Variants in HPS5 observed in about 807,000 individuals in gnomAD.
HPS5 encodes the protein BLOC-2 complex member HPS5.
In HPS5, 83 loss-of-function variants were observed where a neutral mutation model predicts 128.0. The observed-to-expected ratio is 0.65, with a 90% CI of 0.54 to 0.78. The LOEUF (loss-of-function observed/expected upper bound fraction) is 0.78. Ranked by LOEUF, HPS5 falls within the 30% of genes least tolerant of loss-of-function variation. The probability of loss-of-function intolerance (pLI) is 0.00; values close to 1 mark genes in which losing one functional copy is unlikely to be tolerated. For missense variants in HPS5, 1,281 were observed against 1,326.2 expected (o/e 0.97, Z 0.53); for synonymous variants, 475 against 470.2 (o/e 1.01, Z -0.13).
At chr11:18,291,389 C>CCCAAAAAA (rs1860384488) in intron 16 of HPS5, 53 bp downstream of exon 16, 23 of 1,173,004 alleles carry the variant, frequency 2.0e-5, no homozygotes, top group African/African-American at 3.0e-5. Context: ...TTCAAAACTG[C>CCCAAAAAA]TAATGTTTTT....
At chr11:18,317,636 A>G in intron 2 of HPS5, 115 bp downstream of exon 2, 1 of 965,804 alleles carries the variant, frequency 1.0e-6, no homozygotes, top group South Asian at 1.4e-5. Context: ...CAAAAGTATG[A>G]CTAGGACAGG....
intron 7 of HPS5, 30 bp from the exon 8 acceptor site, chr11:18,305,523 T>C (rs1862245240): frequency 1.3e-6 from 2 of 1,497,060 alleles, no homozygotes; most frequent in Non-Finnish European, 1.9e-6. Context: ...GTTAATGAGT[T>C]TATCTGTTAA....
intron 8 of HPS5, among the ~76,000 whole-genome samples, chr11:18,302,665 G>A (rs1861831962): frequency 6.6e-6 from 1 of 151,906 alleles, no homozygotes; most frequent in African/African-American, 2.4e-5. Flanking sequence ...CAGGAGTTGG[G>A]CCCTCATGTA....
At chr11:18,307,009 C>T (rs1299963564) in intron 6 of HPS5, among the ~76,000 whole-genome samples, 3 of 147,986 alleles carry the variant, frequency 2.0e-5, no homozygotes, top group African/African-American at 2.5e-5. Flanking sequence ...ACTTATCATT[C>T]CTCCTCAGAA....
intron 13 of HPS5, 27 bp from the exon 14 acceptor site, chr11:18,295,196 C>T: frequency 6.2e-7 from 1 of 1,606,564 alleles, no homozygotes. Flanking sequence ...AAAAAACTAA[C>T]ATGAATAAAA....
chr11:18,287,031 C>G (rs1185427857), intron 18 of HPS5: 1 of 534,720 alleles, frequency 1.9e-6, no homozygotes, highest in Non-Finnish European at 3.3e-6. Context: ...TGATCATACC[C>G]GTGAATAGCC....
In HPS5 at chr11:18,292,978, T is replaced by TA. The variant is rs1242512114; in HGVS notation, c.1785-3dup. On this transcript the variant is annotated splice_polypyrimidine_tract_variant and splice_region_variant and intron_variant, in intron 14 of 22. Transcript: ENST00000349215. ...GGACTAGTTACCTCTTTTTCCTCCCTAAAAAAGTGTGCAAAATAACAATAA... is the reference window on the plus strand; with the variant it reads ...GGACTAGTTACCTCTTTTTCCTCCCTAAAAAAAGTGTGCAAAATAACAATAA... 3 of 1,612,466 alleles carry TA rather than the reference T, an allele frequency of 1.9e-6. No homozygotes were observed. The highest frequency in any genetic ancestry group is 1.1e-5 in the South Asian group (1 of 91,048).
At chr11:18,313,486 T>C (rs1863236024) in intron 2 of HPS5, among the ~76,000 whole-genome samples, 1 of 152,230 alleles carries the variant, frequency 6.6e-6, no homozygotes, top group African/African-American at 2.4e-5. Flanking sequence ...ATCTGCCTCT[T>C]CTTTTCCTTT....
chr11:18,299,855 G>A (rs1861492220), intron 9 of HPS5, among the ~76,000 whole-genome samples: 1 of 152,206 alleles, frequency 6.6e-6, no homozygotes, highest in South Asian at 2.1e-4. Context: ...ACTATGTTAA[G>A]TGAAATAAGC....
In HPS5 at chr11:18,292,004, G is replaced by A; in HGVS notation, c.1878C>T (p.Asp626=). The change falls in exon 16 of 23, where the codon GAC becomes GAT. Residue 626 remains aspartate (D), a synonymous_variant. Transcript: ENST00000349215. ...ACTCGGATTCAAATAAAACCAGAGG[G>A]TCCTGTAGCTTGGTCCTATACAAGA... ...ATAEAMTKLQ[D]PLVLFESESL... The A allele has an allele frequency of 6.2e-7, 1 of 1,613,676 alleles. No individual in the cohort carries two copies. The highest frequency in any genetic ancestry group is 8.5e-7 in the Non-Finnish European group (1 of 1,179,792).
chr11:18,315,355 C>T (rs1252666904), intron 2 of HPS5, among the ~76,000 whole-genome samples: 1 of 152,172 alleles, frequency 6.6e-6, no homozygotes, highest in Non-Finnish European at 1.5e-5. Context: ...ATGGCTCATG[C>T]CTGTAATCCC....
chr11:18,301,454 CAAAAAAAAAAAAAA>C (rs899074500), intron 8 of HPS5, among the ~76,000 whole-genome samples: 1 of 52,098 alleles, frequency 1.9e-5, no homozygotes, highest in African/African-American at 6.6e-5. Flanking sequence ...GACTCTGTCT[CAAAAAAAAAAAAAA>C]AAAAAAAAAG....
intron 6 of HPS5, among the ~76,000 whole-genome samples, chr11:18,306,914 C>T (rs1363393676): frequency 1.3e-5 from 2 of 152,166 alleles, no homozygotes; most frequent in African/African-American, 2.4e-5. Flanking sequence ...CCTGGGAACA[C>T]GGAAGGTGAT....
chr11:18,297,732 G>T lies in HPS5; in HGVS notation c.1165-15C>A, dbSNP rs7128146. 0.11 allele frequency: 174,598 copies of T among 1,608,254 alleles called. 10,732 individuals carry two copies. The highest frequency in any genetic ancestry group is 0.19 in the Admixed American group (11,525 of 59,988). ...GTTTTTCTTGCCTAATAAAACAACA[G>T]CGCAATGGAATAGCTATTTGTAGGT... is the stretch of plus-strand genomic sequence containing the variant. On this transcript the variant is annotated splice_polypyrimidine_tract_variant and intron_variant, in intron 10 of 22. Transcript: ENST00000349215.
At chr11:18,287,127 G>A (rs1859848264) in intron 18 of HPS5, among the ~76,000 whole-genome samples, 3 of 152,094 alleles carry the variant, frequency 2.0e-5, no homozygotes, top group Non-Finnish European at 4.4e-5. Flanking sequence ...TAAGCCAGGG[G>A]CACAGGTCAC....
chr11:18,305,464 C>G lies in HPS5; in HGVS notation c.854G>C (p.Gly285Ala). The G allele has an allele frequency of 6.2e-7, 1 of 1,610,578 alleles. No individual in the cohort carries two copies. Among genetic ancestry groups the G allele is most frequent in the South Asian group, 1.1e-5 (1 of 90,956 alleles). ...RSEPQYDHTA[G>A]SSQSLSFPKL... ...GGGGAAAGACAAAGACTGGGAGGAT[C>G]CAGCTGTATGATCATACTGAGGTTC... is the stretch of plus-strand genomic sequence containing the variant. Residue 285 changes from glycine to alanine, a missense_variant, in exon 8 of 23, where the codon GGA (glycine) becomes GCA (alanine). Physicochemically the swap from Gly to Ala is moderately conservative, Grantham distance 60. Coordinates refer to ENST00000349215, the MANE Select transcript of HPS5 (RefSeq NM_181507.2).
In HPS5 at chr11:18,292,918, C is replaced by T; in HGVS notation, c.1843G>A (p.Val615Ile). ...PEEDRFQELK[V>I]ATAEAMTKLQ... is the part of the protein sequence containing the mutation. ...ACTCACATTGCTTCTGCTGTTGCTA[C>T]TTTAAGCTCCTGGAACCTGTCTTCT... Residue 615 changes from valine (V) to isoleucine (I), a missense_variant, in exon 15 of 23, where the codon GTA becomes ATA. Transcript: ENST00000349215. 6.2e-7 allele frequency: 1 copy of T among 1,613,940 alleles called. No individual in the cohort carries two copies. The highest frequency in any genetic ancestry group is 1.1e-5 in the South Asian group (1 of 91,080).
chr11:18,299,275 CCA>C (rs1442686285), intron 9 of HPS5, among the ~76,000 whole-genome samples: 1 of 152,134 alleles, frequency 6.6e-6, no homozygotes, highest in Non-Finnish European at 1.5e-5. Flanking sequence ...ACATTAGAGG[CCA>C]GACTATAAGG....
At chr11:18,295,774 G>A (rs1860989711) in intron 13 of HPS5, among the ~76,000 whole-genome samples, 1 of 152,282 alleles carries the variant, frequency 6.6e-6, no homozygotes, top group African/African-American at 2.4e-5. Context: ...GATCTCTTGA[G>A]GGTGGGGGCA....
Sources: allele counts gnomAD v4.1 joint callset (sites outside exome capture counted in the v4.1 genomes callset), GRCh38; gene constraint gnomAD v4.1.1; transcripts MANE v1.5; gene names NCBI Gene and HGNC (gene_info 2026-07-23, HGNC 2026-07-21).